ST18: variants seen among roughly 807,000 people sequenced by gnomAD.
ST18 encodes the protein suppression of tumorigenicity 18 protein.
A neutral mutation model predicts 110.0 loss-of-function variants in ST18; 50 were observed. That is an observed-to-expected ratio of 0.45 (90% CI 0.36 to 0.58). ST18 has a LOEUF of 0.58. Among genes scored for constraint, ST18 ranks in the 20% least tolerant of loss-of-function variants. The pLI is 0.00. For synonymous variants in ST18, 461 were observed against 452.4 expected, an observed-to-expected ratio of 1.02 and a Z score of -0.24; for missense variants, 1,306 against 1,280.1, an observed-to-expected ratio of 1.02 and a Z score of -0.31.
At chr8:52,295,710 CTTTTTT>C (rs371927202) in intron 2 of ST18, among the ~76,000 whole-genome samples, 55 of 130,828 alleles carry the variant, frequency 4.2e-4, no homozygotes, top group South Asian at 1.2e-3. Flanking sequence ...TCTTTTTTTC[CTTTTTT>C]TTTTTTTTTT....
chr8:52,116,867 C>A (rs532538226), intron 24 of ST18, among the ~76,000 whole-genome samples: 1 of 152,136 alleles, frequency 6.6e-6, no homozygotes, highest in South Asian at 2.1e-4. Context: ...CTCTGCTGCC[C>A]CCTGGGCCCA....
intron 2 of ST18, among the ~76,000 whole-genome samples, chr8:52,266,311 G>T (rs1380238121): frequency 6.6e-6 from 1 of 152,184 alleles, no homozygotes; most frequent in Non-Finnish European, 1.5e-5. Flanking sequence ...GGATGTAAGT[G>T]TAGTTGGATA....
chr8:52,228,208 G>A (rs2090160167), intron 3 of ST18, among the ~76,000 whole-genome samples: 1 of 152,138 alleles, frequency 6.6e-6, no homozygotes, highest in African/African-American at 2.4e-5. Context: ...TTTTTCAAAT[G>A]TCTACTTTTG....
At chr8:52,374,511 T>C (rs558313543) in intron 2 of ST18, among the ~76,000 whole-genome samples, 14 of 152,252 alleles carry the variant, frequency 9.2e-5, no homozygotes, top group South Asian at 2.1e-4. Context: ...TATTTTATTT[T>C]ATTTCATTTC....
Position 52,180,322 on chromosome 8 carries a change from T to A in ST18, c.87-10A>T. ...GCAATCATAGGCAACACTGTAGTGA[T>A]TGAGGAAAATTAAGAATATGGTAAA... On this transcript the variant is annotated splice_polypyrimidine_tract_variant and intron_variant, in intron 8 of 25. Transcript: ENST00000689386. 6.2e-7 allele frequency: 1 copy of A among 1,613,286 alleles called. No homozygotes were observed.
At chr8:52,179,381 C>T (rs145384697) in intron 9 of ST18, among the ~76,000 whole-genome samples, 409 of 152,186 alleles carry the variant, frequency 2.7e-3, no homozygotes, top group African/African-American at 4.0e-3. Flanking sequence ...AGTGAAGAAG[C>T]GAATCAATTA....
At chr8:52,201,820 G>T (rs2078081975) in intron 8 of ST18, among the ~76,000 whole-genome samples, 1 of 152,106 alleles carries the variant, frequency 6.6e-6, no homozygotes, top group Admixed American at 6.5e-5. Flanking sequence ...ATGGGCGGTG[G>T]GCTCATTGAT....
At chr8:52,326,111 T>C (rs1056872257) in intron 2 of ST18, among the ~76,000 whole-genome samples, 2 of 152,200 alleles carry the variant, frequency 1.3e-5, no homozygotes, top group Non-Finnish European at 2.9e-5. Context: ...TGAAAAGCCT[T>C]GTGCCTCCAA....
intron 11 of ST18, 73 bp from the exon 12 acceptor site, chr8:52,165,298 T>G: frequency 1.1e-5 from 16 of 1,468,386 alleles, no homozygotes; most frequent in Non-Finnish European, 1.4e-5. Flanking sequence ...CGTGTATCTC[T>G]CAACTTTGCA....
chr8:52,404,097 T>TG, intron 2 of ST18: 1 of 152,298 alleles, frequency 6.6e-6, no homozygotes, highest in South Asian at 2.1e-4. Context: ...CGCCTTGCCA[T>TG]GAACAATGAA....
intron 23 of ST18, among the ~76,000 whole-genome samples, chr8:52,125,417 G>A (rs1405973087): frequency 6.6e-6 from 1 of 151,710 alleles, no homozygotes; most frequent in African/African-American, 2.4e-5. Flanking sequence ...ACACACACAC[G>A]AGAGAGAAAG....
rs529597035 is a variant in ST18, at chr8:52,196,642, CTATTT to C, written c.86+15432_86+15436del. On this transcript the variant is annotated intron_variant, in intron 8 of 25. Coordinates refer to ENST00000689386, the MANE Select transcript of ST18 (RefSeq NM_001352837.2). ...ATTGCAGCGTATTTTTATAACTGTT[CTATTT>C]TATTATTAGTTATGTTGTTAATGTC... Among the ~76,000 whole-genome samples the C allele has an allele frequency of 2.5e-3, 383 of 152,200 alleles. 2 individuals are homozygous for C. The highest frequency in any genetic ancestry group is 6.9e-3 in the Admixed American group (105 of 15,298).
Position 52,136,617 on chromosome 8 carries a change from A to AG in ST18, c.2272dup (p.Leu758ProfsTer10). ...AAGCTCCTGAGAGTTGGCAGCCATG[A>AG]GGGATTTTAGAGTCTTATCTGCTAA... On this transcript the variant is annotated frameshift_variant, in exon 19 of 26. Transcript: ENST00000689386. LOFTEE classifies it high-confidence loss of function. 6.2e-7 allele frequency: 1 copy of AG among 1,611,418 alleles called. No homozygotes were observed. Among genetic ancestry groups the AG allele is most frequent in the Non-Finnish European group, 8.5e-7 (1 of 1,179,070 alleles).
intron 15 of ST18, 123 bp from the exon 16 acceptor site, chr8:52,150,100 T>A (rs2058430287): frequency 7.5e-7 from 1 of 1,341,560 alleles, no homozygotes; most frequent in Non-Finnish European, 1.0e-6. Flanking sequence ...CTTTTAAATC[T>A]AGCTTTCTGA....
intron 16 of ST18, among the ~76,000 whole-genome samples, chr8:52,146,437 T>A (rs1282720712): frequency 6.6e-6 from 1 of 151,346 alleles, no homozygotes; most frequent in South Asian, 2.1e-4. Context: ...TTTTGGTGAT[T>A]TTTTTTTCTT....
chr8:52,243,919 T>A (rs1159682196), intron 2 of ST18, among the ~76,000 whole-genome samples: 4 of 152,214 alleles, frequency 2.6e-5, no homozygotes, highest in Non-Finnish European at 4.4e-5. Context: ...TGCACGTGCA[T>A]GTTTCCATTA....
At chr8:52,163,421 T>C (rs906286661) in intron 13 of ST18, among the ~76,000 whole-genome samples, 1 of 152,218 alleles carries the variant, frequency 6.6e-6, no homozygotes, top group South Asian at 2.1e-4. Flanking sequence ...ATATATACTT[T>C]AGTATTTAGA....
At chr8:52,226,589 T>G (rs1009163521) in intron 3 of ST18, among the ~76,000 whole-genome samples, 5 of 152,220 alleles carry the variant, frequency 3.3e-5, no homozygotes, top group African/African-American at 1.2e-4. Context: ...ATCTTTTCTC[T>G]AAAGCCCCTT....
At chr8:52,257,262 G>A (rs2094555003) in intron 2 of ST18, among the ~76,000 whole-genome samples, 1 of 152,186 alleles carries the variant, frequency 6.6e-6, no homozygotes, top group Non-Finnish European at 1.5e-5. Flanking sequence ...AAGTGTTTGT[G>A]TGGACATATG....
Sources: gnomAD v4.1 joint callset for allele counts (sites outside exome capture counted in the v4.1 genomes callset) on GRCh38, gnomAD v4.1.1 for gene constraint, MANE v1.5 for transcripts, NCBI Gene and HGNC (gene_info 2026-07-23, HGNC 2026-07-21) for gene names.